THEMIS: variants seen among roughly 807,000 people sequenced by gnomAD.
THEMIS encodes the protein thymocyte selection associated.
In THEMIS, 37 loss-of-function variants were observed where a neutral mutation model predicts 52.6. That is an observed-to-expected ratio of 0.70 (90% CI 0.54 to 0.93). THEMIS has a LOEUF of 0.93. Among genes scored for constraint, THEMIS ranks in the 40% least tolerant of loss-of-function variants. THEMIS has a pLI of 0.00. For synonymous variants in THEMIS, 292 were observed against 272.7 expected (o/e 1.07, Z -0.70); for missense variants, 808 against 763.1 (o/e 1.06, Z -0.69).
chr6:127,762,055 G>C (rs930321888), intron 4 of THEMIS, among the ~76,000 whole-genome samples: 1 of 152,080 alleles, frequency 6.6e-6, no homozygotes, highest in Non-Finnish European at 1.5e-5. Context: ...ATACATACAA[G>C]GGGATACTAT....
At chr6:127,723,215 T>C (rs1022733450) in intron 4 of THEMIS, among the ~76,000 whole-genome samples, 2 of 151,974 alleles carry the variant, frequency 1.3e-5, no homozygotes, top group African/African-American at 4.8e-5. Context: ...TCTTTTTCCT[T>C]TATTCTCTGT....
At chr6:127,828,487 T>C (rs2114656519) in intron 3 of THEMIS, among the ~76,000 whole-genome samples, 1 of 152,268 alleles carries the variant, frequency 6.6e-6, no homozygotes, top group Middle Eastern at 3.4e-3. Context: ...CAACACCTAT[T>C]AAGTTATTGA....
chr6:127,767,538 T>C (rs1203537878), intron 4 of THEMIS, among the ~76,000 whole-genome samples: 1 of 152,192 alleles, frequency 6.6e-6, no homozygotes, highest in Non-Finnish European at 1.5e-5. Context: ...AACATCACTG[T>C]CTTCGACCTC....
At chr6:127,732,389 T>C (rs867130849) in intron 4 of THEMIS, among the ~76,000 whole-genome samples, 33 of 152,186 alleles carry the variant, frequency 2.2e-4, no homozygotes, top group African/African-American at 5.8e-4. Flanking sequence ...ATAAGTACAA[T>C]ATTTTATTTA....
At chr6:127,845,040 A>T (rs1001578198) in intron 2 of THEMIS, among the ~76,000 whole-genome samples, 4 of 151,232 alleles carry the variant, frequency 2.6e-5, no homozygotes, top group African/African-American at 9.7e-5. Flanking sequence ...TCAGATCCCC[A>T]TTCAAATTTT....
intron 4 of THEMIS, among the ~76,000 whole-genome samples, chr6:127,795,843 T>A (rs1461881965): frequency 6.6e-6 from 1 of 152,218 alleles, no homozygotes; most frequent in Non-Finnish European, 1.5e-5. Context: ...TAGAAAGTCC[T>A]ACATTGTAAG....
At chr6:127,793,384 G>A (rs1470644554) in intron 4 of THEMIS, among the ~76,000 whole-genome samples, 3 of 152,204 alleles carry the variant, frequency 2.0e-5, no homozygotes, top group Non-Finnish European at 2.9e-5. Flanking sequence ...GGAAGTGCAG[G>A]ACTGAAGTGG....
At chr6:127,838,025 A>G (rs1310285777) in intron 2 of THEMIS, among the ~76,000 whole-genome samples, 2 of 152,132 alleles carry the variant, frequency 1.3e-5, no homozygotes, top group African/African-American at 2.4e-5. Context: ...CGACAAGTGG[A>G]AGCACTGAGT....
intron 4 of THEMIS, among the ~76,000 whole-genome samples, chr6:127,744,095 G>T (rs1179201426): frequency 6.6e-6 from 1 of 152,066 alleles, no homozygotes; most frequent in African/African-American, 2.4e-5. Flanking sequence ...GACTGCACCA[G>T]GAAATTATTC....
At chr6:127,733,243 A>T (rs996161655) in intron 4 of THEMIS, among the ~76,000 whole-genome samples, 1 of 151,940 alleles carries the variant, frequency 6.6e-6, no homozygotes, top group Non-Finnish European at 1.5e-5. Context: ...CTGAACACAA[A>T]TTTTTTTTGG....
intron 4 of THEMIS, among the ~76,000 whole-genome samples, chr6:127,778,555 A>C (rs1225872734): frequency 6.6e-6 from 1 of 152,088 alleles, no homozygotes; most frequent in Non-Finnish European, 1.5e-5. Flanking sequence ...TTATTGGATA[A>C]ATTTGAAAAT....
At chr6:127,878,459 A>T (rs1182162970) in intron 1 of THEMIS, among the ~76,000 whole-genome samples, 1 of 152,030 alleles carries the variant, frequency 6.6e-6, no homozygotes, top group African/African-American at 2.4e-5. Flanking sequence ...GCAAAAAAAA[A>T]ATGCTTTTTA....
chr6:127,738,797 T>C (rs952041247), intron 4 of THEMIS, among the ~76,000 whole-genome samples: 2 of 152,328 alleles, frequency 1.3e-5, no homozygotes, highest in South Asian at 4.1e-4. Flanking sequence ...AGGACATTTC[T>C]GTACAATTTC....
intron 1 of THEMIS, among the ~76,000 whole-genome samples, chr6:127,884,258 C>T (rs1006952704): frequency 6.6e-6 from 1 of 152,132 alleles, no homozygotes; most frequent in Non-Finnish European, 1.5e-5. Context: ...TCCCATGTGG[C>T]ACATGGACAA....
chr6:127,868,220 C>T (rs1208655582), intron 1 of THEMIS, among the ~76,000 whole-genome samples: 1 of 152,170 alleles, frequency 6.6e-6, no homozygotes, highest in East Asian at 1.9e-4. Context: ...TAATAAATAT[C>T]AACTATTATT....
At chr6:127,871,150 A>C (rs1467654873) in intron 1 of THEMIS, among the ~76,000 whole-genome samples, 3 of 152,192 alleles carry the variant, frequency 2.0e-5, no homozygotes, top group Non-Finnish European at 2.9e-5. Context: ...ACAATGAATT[A>C]AACTAAAAAT....
intron 4 of THEMIS, among the ~76,000 whole-genome samples, chr6:127,736,718 C>A (rs889686746): frequency 6.6e-5 from 10 of 151,480 alleles, no homozygotes; most frequent in African/African-American, 9.7e-5. Flanking sequence ...CATTATTTGC[C>A]ATTTAATTAA....
intron 1 of THEMIS, among the ~76,000 whole-genome samples, chr6:127,856,711 A>T (rs1443140443): frequency 6.6e-6 from 1 of 151,998 alleles, no homozygotes; most frequent in East Asian, 1.9e-4. Context: ...TCCTTGTCTC[A>T]TACTATTCCC....
rs189493905 is a variant in THEMIS at position 127,868,678 on chromosome 6, T to C, written c.92-13490A>G. ...TTCATATTGTGTATAGATGTATCTG[T>C]CATAATTTAAAGGGTTGAGAGGAAT... On this transcript the variant is annotated intron_variant, in intron 1 of 5. Coordinates refer to ENST00000368248, the MANE Select transcript of THEMIS (RefSeq NM_001010923.3). 3.8e-3 allele frequency among the ~76,000 whole-genome samples: 572 copies of C among 152,256 alleles called. 13 individuals are homozygous for C. Among genetic ancestry groups the C allele is most frequent in the South Asian group, 8.3e-4 (4 of 4,826 alleles).
Sources: allele counts gnomAD v4.1 joint callset (sites outside exome capture counted in the v4.1 genomes callset), GRCh38; gene constraint gnomAD v4.1.1; transcripts MANE v1.5; gene names NCBI Gene and HGNC (gene_info 2026-07-23, HGNC 2026-07-21).